Variants in HOXB3 observed in about 807,000 individuals in gnomAD.
The protein encoded by HOXB3 is homeobox B3.
Under a neutral mutation model 29.2 loss-of-function variants are expected in HOXB3, and 17 were observed. The ratio of observed to expected loss-of-function variants is 0.58; its 90% CI spans 0.40 to 0.87. The LOEUF is 0.87. Ranked by LOEUF, HOXB3 falls within the 40% of genes least tolerant of loss-of-function variation. The pLI is 0.00. For missense variants in HOXB3, 637 were observed against 616.3 expected (o/e 1.03, Z -0.35); for synonymous variants, 317 against 285.9 (o/e 1.11, Z -1.10).
At chr17:48,556,155 TC>T (rs397700498) in intron 2 of HOXB3, among the ~76,000 whole-genome samples, 1 of 151,174 alleles carries the variant, frequency 6.6e-6, no homozygotes, top group African/African-American at 2.4e-5. Flanking sequence ...TTTTTTTTTT[TC>T]CTTAAAGAAC....
intron 1 of HOXB3, chr17:48,578,062 C>T (rs2069827453): frequency 2.5e-5 from 5 of 198,598 alleles, no homozygotes; most frequent in Non-Finnish European, 3.1e-5. Context: ...ACAGACCGGG[C>T]GGTGGCGGGG....
intron 3 of HOXB3, chr17:48,552,914 G>C (rs1422345713): frequency 6.2e-6 from 1 of 160,634 alleles, no homozygotes. Context: ...ACCTCCCCTA[G>C]TCCCTCTCTC....
chr17:48,584,672 G>T (rs894903606), intron 1 of HOXB3, among the ~76,000 whole-genome samples: 1 of 152,182 alleles, frequency 6.6e-6, no homozygotes, highest in African/African-American at 2.4e-5. Flanking sequence ...ATTATCTTTG[G>T]AAGAGAAAAT....
intron 1 of HOXB3, chr17:48,578,614 C>G (rs2069851432): frequency 2.7e-6 from 1 of 367,674 alleles, no homozygotes. Context: ...CCTTGCCTCG[C>G]TCTCTCCGGG....
At chr17:48,573,124 G>T (rs935219134) in intron 2 of HOXB3, among the ~76,000 whole-genome samples, 5 of 152,144 alleles carry the variant, frequency 3.3e-5, no homozygotes, top group Admixed American at 6.5e-5. Flanking sequence ...AGAGCAAAGG[G>T]AAACCAAACC....
At chr17:48,564,942 T>G (rs2069339811) in intron 2 of HOXB3, among the ~76,000 whole-genome samples, 1 of 152,224 alleles carries the variant, frequency 6.6e-6, no homozygotes, top group South Asian at 2.1e-4. Flanking sequence ...TTTCTCTTTT[T>G]CCTTTTCTTG....
intron 1 of HOXB3, chr17:48,574,347 G>T (rs79509364): frequency 1.3e-5 from 2 of 158,270 alleles, no homozygotes; most frequent in East Asian, 3.8e-4. Context: ...CCAGGTCCAC[G>T]ATGATTTTTT....
chr17:48,549,809 A>T lies in HOXB3; in HGVS notation c.*525T>A, dbSNP rs1001623116. The T allele has an allele frequency of 1.2e-5, 2 of 161,356 alleles. No homozygotes were observed. The highest frequency in any genetic ancestry group is 5.7e-5 in the Admixed American group (1 of 17,614). 10.0% of individuals were successfully genotyped at this position (161,356 alleles called of 1,614,324 possible). ...CCTCAATAAACCTCAAATGGGAACA[A>T]ATTTGAGGTTTTGGGAAAGTTGGAA... On this transcript the variant is annotated 3_prime_UTR_variant, in exon 5 of 5. Transcript: ENST00000498678.
chr17:48,580,082 G>A (rs574668752), intron 1 of HOXB3: 128 of 371,476 alleles, frequency 3.4e-4, no homozygotes, highest in Non-Finnish European at 6.1e-4. Context: ...GTGCGAGTCT[G>A]TTCTTGGGAT....
At chr17:48,579,478 T>G (rs1218808828) in intron 1 of HOXB3, 1 of 152,642 alleles carries the variant, frequency 6.6e-6, no homozygotes, top group South Asian at 2.1e-4. Flanking sequence ...ATCCGTTTGT[T>G]AAACAAATTT....
Position 48,550,726 on chromosome 17 carries a change from A to G in HOXB3, c.904T>C (p.Tyr302His), listed in dbSNP as rs2068696756. 1 of 1,573,268 alleles carries G rather than the reference A, an allele frequency of 6.4e-7. No homozygotes were observed. The highest frequency in any genetic ancestry group is 1.8e-5 in the Admixed American group (1 of 56,238). The stretch of plus-strand genomic sequence containing the variant: ...GGCTGGTAGTTGGAGGGCAGCGCGT[A>G]GGCATTCTGGTGGGCTTTACCGAAG... The part of the protein sequence containing the change: ...PAFGKAHQNA[Y>H]ALPSNYQPPL... The change falls in exon 5 of 5, where the codon TAC (tyrosine) becomes CAC (histidine). Residue 302 changes from tyrosine (Y) to histidine (H), a missense_variant. Coordinates refer to ENST00000498678, the MANE Select transcript of HOXB3 (RefSeq NM_001384749.1).
rs190411019 is a variant in HOXB3 at position 48,549,743 on chromosome 17, A to G, written c.*591T>C. 1.3e-5 allele frequency: 2 copies of G among 155,350 alleles called. No individual in the cohort carries two copies. The highest frequency in any genetic ancestry group is 1.9e-4 in the East Asian group (1 of 5,198). The allele number at this position is 155,350 out of a possible 1,614,324, so 9.6% of individuals were successfully genotyped here. ...ATTGATGGGGGTGGGATGTATAGATATGAATGTTCTAGAGCAGAAAAACCG... is the reference window on the plus strand; with the variant it reads ...ATTGATGGGGGTGGGATGTATAGATGTGAATGTTCTAGAGCAGAAAAACCG... On this transcript the variant is annotated 3_prime_UTR_variant, in exon 5 of 5. Transcript: ENST00000498678.
rs1007692405 is a variant in HOXB3 at position 48,550,280 on chromosome 17, C to T, written c.*54G>A. On this transcript the variant is annotated 3_prime_UTR_variant, in exon 5 of 5. Coordinates refer to ENST00000498678, the MANE Select transcript of HOXB3 (RefSeq NM_001384749.1). ...CAGACCTCCAGGTTGCCCCCCAGAG[C>T]TCCACAGTCTCTCTCTTCCTCCCCA... 3 of 1,602,992 alleles carry T rather than the reference C, an allele frequency of 1.9e-6. No homozygotes were observed. The highest frequency in any genetic ancestry group is 2.6e-6 in the Non-Finnish European group (3 of 1,172,738).
intron 2 of HOXB3, among the ~76,000 whole-genome samples, chr17:48,560,670 T>C (rs1244606524): frequency 6.6e-6 from 1 of 152,088 alleles, no homozygotes; most frequent in African/African-American, 2.4e-5. Context: ...CACCACTCCT[T>C]TGGAACTGGG....
At chr17:48,577,781 C>CA (rs2069813172) in intron 1 of HOXB3, 1 of 928,028 alleles carries the variant, frequency 1.1e-6, no homozygotes, top group African/African-American at 2.1e-5. Context: ...CCCAGCTCAA[C>CA]CCCCCCCCAA....
intron 2 of HOXB3, among the ~76,000 whole-genome samples, chr17:48,573,255 C>G (rs2069645005): frequency 6.6e-6 from 1 of 152,164 alleles, no homozygotes; most frequent in South Asian, 2.1e-4. Flanking sequence ...GAGAGTAGCA[C>G]ATATTTGTCT....
chr17:48,583,948 C>T (rs932581022), intron 1 of HOXB3, among the ~76,000 whole-genome samples: 1 of 152,182 alleles, frequency 6.6e-6, no homozygotes, highest in African/African-American at 2.4e-5. Flanking sequence ...TACAGAAACT[C>T]TCAGGTTATC....
At chr17:48,569,570 C>G (rs1483850343) in intron 2 of HOXB3, among the ~76,000 whole-genome samples, 1 of 152,182 alleles carries the variant, frequency 6.6e-6, no homozygotes, top group Admixed American at 6.5e-5. Flanking sequence ...GTTCTTCTCT[C>G]TGCATCCTTT....
chr17:48,572,830 G>A (rs965694687), intron 2 of HOXB3, among the ~76,000 whole-genome samples: 11 of 152,168 alleles, frequency 7.2e-5, no homozygotes, highest in African/African-American at 2.7e-4. Flanking sequence ...TCCCTGCAGA[G>A]GTGTGACTCT....
Sources: allele counts gnomAD v4.1 joint callset (sites outside exome capture counted in the v4.1 genomes callset), GRCh38; gene constraint gnomAD v4.1.1; transcripts MANE v1.5; gene names NCBI Gene and HGNC (gene_info 2026-07-23, HGNC 2026-07-21).